The following FBXL17 variants were observed in gnomAD, a reference collection of about 807,000 sequenced individuals.
FBXL17 encodes F-box and leucine rich repeat protein 17, also known as F-box/LRR-repeat protein 17.
FBXL17 carries 22 observed loss-of-function variants against 66.2 expected under a neutral mutation model. The observed-to-expected ratio is 0.33, with a 90% CI of 0.24 to 0.47. The LOEUF (loss-of-function observed/expected upper bound fraction) is 0.47. FBXL17 is among the 20% of genes least tolerant of loss of function. The pLI, the probability that FBXL17 is intolerant of heterozygous loss-of-function variation, is 1.00. For synonymous variants in FBXL17, 474 were observed against 400.5 expected (o/e 1.18, Z -2.19); for missense variants, 878 against 948.2 (o/e 0.93, Z 0.97).
In FBXL17 at chr5:108,088,994, G is replaced by A. The variant is rs567186198; in HGVS notation, c.1746-67993C>T. Among the ~76,000 whole-genome samples the A allele has an allele frequency of 6.6e-5, 10 of 152,254 alleles. No individual in the cohort carries two copies. In the South Asian group the frequency reaches 2.1e-3, roughly 32 times the overall value. ...CCCAAATTGCCTATCTCAGAGAATG[G>A]TGCTGCTATTCATCCTGTAAAGAAA... On this transcript the variant is annotated intron_variant, in intron 6 of 8. Coordinates refer to ENST00000542267, the MANE Select transcript of FBXL17 (RefSeq NM_001163315.3).
chr5:108,219,485 A>C (rs1213218815), intron 5 of FBXL17, among the ~76,000 whole-genome samples: 4 of 152,134 alleles, frequency 2.6e-5, no homozygotes, highest in Non-Finnish European at 5.9e-5. Flanking sequence ...CAGGAGTTCA[A>C]AACCAGCCTG....
intron 6 of FBXL17, among the ~76,000 whole-genome samples, chr5:108,021,281 A>T (rs2112764711): frequency 6.7e-6 from 1 of 150,222 alleles, no homozygotes; most frequent in East Asian, 1.9e-4. Flanking sequence ...ACTAGTAAAC[A>T]TATGCTATTT....
intron 6 of FBXL17, among the ~76,000 whole-genome samples, chr5:108,178,414 G>C (rs916737329): frequency 1.3e-5 from 2 of 151,942 alleles, no homozygotes; most frequent in Non-Finnish European, 1.5e-5. Flanking sequence ...TATCTTTCTA[G>C]GGATGGTCTT....
intron 6 of FBXL17, among the ~76,000 whole-genome samples, chr5:108,159,485 G>T (rs1475664504): frequency 6.6e-6 from 1 of 152,116 alleles, no homozygotes; most frequent in African/African-American, 2.4e-5. Context: ...CTTCTGAATG[G>T]AATTCACTAC....
chr5:108,130,938 A>AT (rs1750910018), intron 6 of FBXL17, among the ~76,000 whole-genome samples: 1 of 152,028 alleles, frequency 6.6e-6, no homozygotes, highest in Admixed American at 6.5e-5. Flanking sequence ...AGAATAAGTA[A>AT]TTTTTTTCAT....
chr5:108,284,380 A>G (rs1255137435), intron 4 of FBXL17, among the ~76,000 whole-genome samples: 2 of 151,954 alleles, frequency 1.3e-5, no homozygotes, highest in Non-Finnish European at 2.9e-5. Context: ...CACAAAAAAG[A>G]ATAAAATGTC....
At chr5:108,168,661 T>C (rs1752497212) in intron 6 of FBXL17, among the ~76,000 whole-genome samples, 1 of 152,150 alleles carries the variant, frequency 6.6e-6, no homozygotes, top group African/African-American at 2.4e-5. Flanking sequence ...TCAATGCTAA[T>C]ATAAGCATTA....
chr5:108,002,196 T>TTTTTTTTC, intron 7 of FBXL17, among the ~76,000 whole-genome samples: 1 of 148,518 alleles, frequency 6.7e-6, no homozygotes, highest in African/African-American at 2.5e-5. Flanking sequence ...TTTTTTTTTT[T>TTTTTTTTC]TTTTTTTTAG....
intron 6 of FBXL17, among the ~76,000 whole-genome samples, chr5:108,059,883 C>T (rs1231818339): frequency 6.6e-6 from 1 of 151,806 alleles, no homozygotes; most frequent in African/African-American, 2.4e-5. Context: ...ATCATACCTA[C>T]ATAGAGAGTG....
chr5:108,331,981 G>C (rs1048751867), intron 4 of FBXL17, among the ~76,000 whole-genome samples: 1 of 152,080 alleles, frequency 6.6e-6, no homozygotes, highest in Non-Finnish European at 1.5e-5. Flanking sequence ...AGTTAGAATC[G>C]AATAGTATCA....
intron 4 of FBXL17, among the ~76,000 whole-genome samples, chr5:108,305,146 A>G (rs1447745531): frequency 6.6e-6 from 1 of 152,120 alleles, no homozygotes; most frequent in Non-Finnish European, 1.5e-5. Context: ...GTAAGTGTAT[A>G]TGGCGTGTTC....
At chr5:107,919,403 C>G (rs536268543) in intron 7 of FBXL17, among the ~76,000 whole-genome samples, 1 of 152,224 alleles carries the variant, frequency 6.6e-6, no homozygotes, top group South Asian at 2.1e-4. Context: ...TCCTTTGTCT[C>G]CAGAAGATCT....
chr5:108,147,410 C>T (rs554437192), intron 6 of FBXL17, among the ~76,000 whole-genome samples: 2 of 152,102 alleles, frequency 1.3e-5, no homozygotes, highest in East Asian at 1.9e-4. Context: ...GGGCCAGGCA[C>T]GGTGGCTCAT....
At chr5:108,255,722 T>C (rs1406531390) in intron 4 of FBXL17, among the ~76,000 whole-genome samples, 1 of 152,140 alleles carries the variant, frequency 6.6e-6, no homozygotes, top group Non-Finnish European at 1.5e-5. Context: ...ATAAATATTA[T>C]ATATAGCCTT....
intron 6 of FBXL17, among the ~76,000 whole-genome samples, chr5:108,145,273 C>G (rs1333256552): frequency 6.6e-6 from 1 of 152,048 alleles, no homozygotes; most frequent in Non-Finnish European, 1.5e-5. Context: ...AAAAATACAT[C>G]AGAAATAAAA....
At chr5:108,271,038 A>G (rs1757246425) in intron 4 of FBXL17, among the ~76,000 whole-genome samples, 1 of 151,928 alleles carries the variant, frequency 6.6e-6, no homozygotes, top group Non-Finnish European at 1.5e-5. Flanking sequence ...TACATCCAAT[A>G]GAGCAGTGGA....
intron 8 of FBXL17, among the ~76,000 whole-genome samples, chr5:107,870,750 T>C (rs1279873847): frequency 6.6e-6 from 1 of 152,020 alleles, no homozygotes; most frequent in Non-Finnish European, 1.5e-5. Flanking sequence ...CATGCTCAGC[T>C]ACTTTTTTGT....
intron 6 of FBXL17, among the ~76,000 whole-genome samples, chr5:108,068,466 G>T (rs1199706354): frequency 1.3e-5 from 2 of 148,458 alleles, no homozygotes; most frequent in African/African-American, 2.5e-5. Flanking sequence ...TTTGGGGGGG[G>T]GGCGGGGGGA....
At chr5:108,032,266 G>A (rs1053992043) in intron 6 of FBXL17, among the ~76,000 whole-genome samples, 2 of 151,974 alleles carry the variant, frequency 1.3e-5, no homozygotes, top group Non-Finnish European at 2.9e-5. Context: ...AAATACAAAT[G>A]TAAAGTACGT....
Sources: gnomAD v4.1 joint callset for allele counts (sites outside exome capture counted in the v4.1 genomes callset) on GRCh38, gnomAD v4.1.1 for gene constraint, MANE v1.5 for transcripts, NCBI Gene and HGNC (gene_info 2026-07-23, HGNC 2026-07-21) for gene names.